Variants in ERICH4 observed in about 807,000 individuals in gnomAD.
ERICH4 encodes glutamate rich 4, also known as glutamate-rich protein 4.
A neutral mutation model predicts 5.2 loss-of-function variants in ERICH4; 4 were observed. The observed-to-expected ratio is 0.77, with a 90% CI of 0.38 to 1.76. The LOEUF (loss-of-function observed/expected upper bound fraction) is 1.76, where lower values mean the gene tolerates loss of function less well. ERICH4 is among the 40% of genes most tolerant of loss of function. The pLI, the probability that ERICH4 is intolerant of heterozygous loss-of-function variation, is 0.04. For synonymous variants in ERICH4, 75 were observed against 68.7 expected (o/e 1.09, Z -0.45); for missense variants, 164 against 159.8 (o/e 1.03, Z -0.14).
In ERICH4 at chr19:41,443,221, G is replaced by T; in HGVS notation, c.52G>T (p.Gly18Cys). Residue 18 changes from glycine to cysteine, a missense_variant, in exon 1 of 2, where the codon GGC (glycine) becomes TGC (cysteine). Transcript: ENST00000378187. Reference sequence around the variant, plus strand: ...GGCTGGACTGGTGCCTCCGGGGCTGGGCCCACCCCCCCAGGCCCTGAGGGA... The same window carrying T: ...GGCTGGACTGGTGCCTCCGGGGCTGTGCCCACCCCCCCAGGCCCTGAGGGA... Reference protein sequence around the residue: ...NQAGLVPPGLGPPPQALREVS... With the variant: ...NQAGLVPPGLCPPPQALREVS... 6.8e-7 allele frequency: 1 copy of T among 1,477,832 alleles called. No individual in the cohort carries two copies. Among genetic ancestry groups the T allele is most frequent in the South Asian group, 1.3e-5 (1 of 75,984 alleles). 91.5% of individuals were successfully genotyped at this position (1,477,832 alleles called of 1,614,324 possible).
In ERICH4 at chr19:41,444,697, T is replaced by C. The variant is rs1555773636; in HGVS notation, c.*473T>C. 3 of 161,480 alleles carry C rather than the reference T, an allele frequency of 1.9e-5. No homozygotes were observed. The highest frequency in any genetic ancestry group is 4.1e-5 in the Non-Finnish European group (3 of 72,648). 10.0% of individuals were successfully genotyped at this position (161,480 alleles called of 1,614,324 possible). ...AAAGAACATAAGACATCTCAATAAT[T>C]TTTAGATTACTTATTGAAATAATAA... is the stretch of plus-strand genomic sequence containing the variant. On this transcript the variant is annotated 3_prime_UTR_variant, in exon 2 of 2. Coordinates refer to ENST00000378187, the MANE Select transcript of ERICH4 (RefSeq NM_001130514.3).
At chr19:41,443,689 A>G (rs545218315) in intron 1 of ERICH4, among the ~76,000 whole-genome samples, 3 of 152,064 alleles carry the variant, frequency 2.0e-5, no homozygotes, top group African/African-American at 7.2e-5. Context: ...ACACATAAAG[A>G]CAGAGAGACA....
chr19:41,444,074 G>T lies in ERICH4; in HGVS notation c.243G>T (p.Ala81=). ...GCAGCCTGGGGCTGGAGATGGGGGC[G>T]CTGCGGGAGGAACTGGTCACCATAT... ...QLCSLGLEMG[A]LREELVTILE... The change falls in exon 2 of 2, where the codon GCG becomes GCT. Residue 81 remains alanine (A), a synonymous_variant. Coordinates refer to ENST00000378187, the MANE Select transcript of ERICH4 (RefSeq NM_001130514.3). 1 of 1,551,426 alleles carries T rather than the reference G, an allele frequency of 6.4e-7. No homozygotes were observed. Among genetic ancestry groups the T allele is most frequent in the Non-Finnish European group, 8.7e-7 (1 of 1,146,886 alleles).
chr19:41,444,252 T>A lies in ERICH4; in HGVS notation c.*28T>A. 1 of 1,551,376 alleles carries A rather than the reference T, an allele frequency of 6.4e-7. No individual in the cohort carries two copies. The highest frequency in any genetic ancestry group is 8.7e-7 in the Non-Finnish European group (1 of 1,146,494). ...CTCTGCCAGTGGATTTAGATTGACA[T>A]ACAAATGAGATGCAAATGTATGTAA... On this transcript the variant is annotated 3_prime_UTR_variant, in exon 2 of 2. Transcript: ENST00000378187.
In ERICH4 at chr19:41,443,346, G is replaced by A; in HGVS notation, c.174+3G>A. On this transcript the variant is annotated splice_donor_region_variant and intron_variant, in intron 1 of 1. Coordinates refer to ENST00000378187, the MANE Select transcript of ERICH4 (RefSeq NM_001130514.3). Reference sequence around the variant, plus strand: ...TGCTGTGGATCAGGGAGGAGCTGGTGAGTGAGGGGTTTGGAAGGGAAAGAG... The same window carrying A: ...TGCTGTGGATCAGGGAGGAGCTGGTAAGTGAGGGGTTTGGAAGGGAAAGAG... 7.8e-7 allele frequency: 1 copy of A among 1,290,026 alleles called. No homozygotes were observed. Among genetic ancestry groups the A allele is most frequent in the Non-Finnish European group, 9.9e-7 (1 of 1,008,636 alleles). The allele number at this position is 1,290,026 out of a possible 1,614,324, so 79.9% of individuals were successfully genotyped here. A position where few individuals can be genotyped will look rare whatever the true frequency, so the allele number is the denominator to read the frequency against.
At position 41,443,260 on chromosome 19, in the gene ERICH4, GA is replaced by G; in HGVS notation, c.94del (p.Ile32SerfsTer97). On this transcript the variant is annotated frameshift_variant, in exon 1 of 2. Transcript: ENST00000378187. LOFTEE classifies it high-confidence loss of function. ...PQALREVSPVEIPGQTLRTAG... is the reference protein window; with the variant it reads ...PQALREVSPVXIPGQTLRTAG... ...GGCCCTGAGGGAGGTCTCCCCAGTG[GA>G]AATCCCTGGTCAGACCCTCAGGACT... 1 of 1,428,720 alleles carries G rather than the reference GA, an allele frequency of 7.0e-7. No individual in the cohort carries two copies. The allele number at this position is 1,428,720 out of a possible 1,614,324, so 88.5% of individuals were successfully genotyped here.
chr19:41,443,759 T>C (rs1016584548), intron 1 of ERICH4, among the ~76,000 whole-genome samples: 2 of 151,398 alleles, frequency 1.3e-5, no homozygotes, highest in South Asian at 2.1e-4. Context: ...GGGACAGATA[T>C]AGATAAGAGA....
rs782174108 is a variant in ERICH4 at position 41,444,225 on chromosome 19, G to T, written c.*1G>T. On this transcript the variant is annotated 3_prime_UTR_variant, in exon 2 of 2. Coordinates refer to ENST00000378187, the MANE Select transcript of ERICH4 (RefSeq NM_001130514.3). ...ACCTGACTTTGAGATGATGATCTGA[G>T]GCTCTGCCAGTGGATTTAGATTGAC... 1 of 1,552,240 alleles carries T rather than the reference G, an allele frequency of 6.4e-7. No homozygotes were observed. Among genetic ancestry groups the T allele is most frequent in the Non-Finnish European group, 8.7e-7 (1 of 1,147,108 alleles).
rs932099957 is a variant in ERICH4 at position 41,443,987 on chromosome 19, G to A, written c.175-19G>A. On this transcript the variant is annotated intron_variant, in intron 1 of 1. Coordinates refer to ENST00000378187, the MANE Select transcript of ERICH4 (RefSeq NM_001130514.3). ...CTCTCTGGGGTGGCATCCCTGTGAC[G>A]TCCCCTTCCTACTGGCAGGGGAACC... 32 of 1,538,564 alleles carry A rather than the reference G, an allele frequency of 2.1e-5. No individual in the cohort carries two copies. The highest frequency in any genetic ancestry group is 2.6e-5 in the Non-Finnish European group (30 of 1,137,766).
In ERICH4 at chr19:41,443,277, C is replaced by T; in HGVS notation, c.108C>T (p.Thr36=). 1 of 1,388,968 alleles carries T rather than the reference C, an allele frequency of 7.2e-7. No homozygotes were observed. The highest frequency in any genetic ancestry group is 1.6e-5 in the South Asian group (1 of 61,460). The allele number at this position is 1,388,968 out of a possible 1,614,324, so 86.0% of individuals were successfully genotyped here. A position where few individuals can be genotyped will look rare whatever the true frequency, so the allele number is the denominator to read the frequency against. ...EVSPVEIPGQ[T]LRTAGADTGG... is the part of the protein sequence containing the mutation. ...CCCCAGTGGAAATCCCTGGTCAGAC[C>T]CTCAGGACTGCAGGGGCAGACACTG... The change falls in exon 1 of 2, where the codon ACC becomes ACT. Residue 36 remains threonine (T), a synonymous_variant. Transcript: ENST00000378187.
chr19:41,444,355 C>G lies in ERICH4; in HGVS notation c.*131C>G. 1.1e-6 allele frequency: 1 copy of G among 941,704 alleles called. No homozygotes were observed. Among genetic ancestry groups the G allele is most frequent in the Non-Finnish European group, 1.6e-6 (1 of 616,678 alleles). The allele number at this position is 941,704 out of a possible 1,614,324, so 58.3% of individuals were successfully genotyped here. On this transcript the variant is annotated 3_prime_UTR_variant, in exon 2 of 2. Coordinates refer to ENST00000378187, the MANE Select transcript of ERICH4 (RefSeq NM_001130514.3). ...TTAGTAAGTGCTTTCTCTGAAGGTGCCTGCAATGATATTTAGGCATTGGCC... is the reference window on the plus strand; with the variant it reads ...TTAGTAAGTGCTTTCTCTGAAGGTGGCTGCAATGATATTTAGGCATTGGCC...
In ERICH4 at chr19:41,444,173, C is replaced by T. The variant is rs782540249; in HGVS notation, c.342C>T (p.His114=). 1.3e-6 allele frequency: 2 copies of T among 1,552,090 alleles called. No individual in the cohort carries two copies. The highest frequency in any genetic ancestry group is 2.4e-5 in the East Asian group (1 of 40,924). The change falls in exon 2 of 2, where the codon CAC becomes CAT. Residue 114 remains histidine (H), a synonymous_variant. Transcript: ENST00000378187. ...CCCAGAGGAAGCAGGAGGAGGAACA[C>T]CTGGAGGCCTGCCCAGCCCCACATC... ...QEPQRKQEEE[H]LEACPAPHPP...
At position 41,444,328 on chromosome 19, in the gene ERICH4, C is replaced by T; in HGVS notation, c.*104C>T. The T allele has an allele frequency of 8.0e-7, 1 of 1,250,588 alleles. No individual in the cohort carries two copies. Among genetic ancestry groups the T allele is most frequent in the Non-Finnish European group, 1.1e-6 (1 of 882,784 alleles). 77.5% of individuals were successfully genotyped at this position (1,250,588 alleles called of 1,614,324 possible). A position where few individuals can be genotyped will look rare whatever the true frequency, so the allele number is the denominator to read the frequency against. ...AGCAGATGTGGAATCAAGTATACCC[C>T]TTTAGTAAGTGCTTTCTCTGAAGGT... On this transcript the variant is annotated 3_prime_UTR_variant, in exon 2 of 2. Transcript: ENST00000378187.
chr19:41,444,107 G>T lies in ERICH4; in HGVS notation c.276G>T (p.Glu92Asp), dbSNP rs1555773556. 6.4e-7 allele frequency: 1 copy of T among 1,551,996 alleles called. No individual in the cohort carries two copies. Among genetic ancestry groups the T allele is most frequent in the Admixed American group, 2.0e-5 (1 of 51,004 alleles). ...AGGAACTGGTCACCATATTGGAGGA[G>T]GAGGAGGAGAGCAGCAAGGAAGAGG... ...LREELVTILE[E>D]EEESSKEEEE... is the part of the protein sequence containing the mutation. Residue 92 changes from glutamate to aspartate, a missense_variant, in exon 2 of 2, where the codon GAG (glutamate) becomes GAT (aspartate). Coordinates refer to ENST00000378187, the MANE Select transcript of ERICH4 (RefSeq NM_001130514.3).
chr19:41,443,974 G>T, intron 1 of ERICH4, 32 bp from the exon 2 acceptor site: 1 of 1,520,832 alleles, frequency 6.6e-7, no homozygotes, highest in Non-Finnish European at 8.9e-7. Flanking sequence ...CTCTGGGGTG[G>T]CATCCCTGTG....
intron 1 of ERICH4, 190 bp from the exon 2 acceptor site, chr19:41,443,816 C>T: frequency 3.4e-6 from 2 of 585,878 alleles, no homozygotes; most frequent in Non-Finnish European, 6.1e-6. Context: ...AATGGAGAGA[C>T]AAAGAGAAGA....
Position 41,443,231 on chromosome 19 carries a change from C to A in ERICH4, c.62C>A (p.Pro21His). 2 of 1,464,460 alleles carry A rather than the reference C, an allele frequency of 1.4e-6. No individual in the cohort carries two copies. Among genetic ancestry groups the A allele is most frequent in the South Asian group, 1.4e-5 (1 of 74,072 alleles). 90.7% of individuals were successfully genotyped at this position (1,464,460 alleles called of 1,614,324 possible). Reference protein sequence around the residue: ...GLVPPGLGPPPQALREVSPVE... With the variant: ...GLVPPGLGPPHQALREVSPVE... ...GTGCCTCCGGGGCTGGGCCCACCCC[C>A]CCAGGCCCTGAGGGAGGTCTCCCCA... The change falls in exon 1 of 2, where the codon CCC (proline) becomes CAC (histidine). Residue 21 changes from proline to histidine, a missense_variant. Pro to His is a moderately conservative substitution (Grantham distance 77). Transcript: ENST00000378187.
chr19:41,443,971 G>A (rs1555773510), intron 1 of ERICH4, 35 bp from the exon 2 acceptor site: 2 of 1,517,070 alleles, frequency 1.3e-6, no homozygotes, highest in Non-Finnish European at 1.8e-6. Flanking sequence ...GCTCTCTGGG[G>A]TGGCATCCCT....
chr19:41,443,369 GAGAA>G (rs2040133985), intron 1 of ERICH4, 26 bp downstream of exon 1: 2 of 1,292,344 alleles, frequency 1.5e-6, no homozygotes, highest in Non-Finnish European at 9.9e-7. Flanking sequence ...GGAAGGGAAA[GAGAA>G]AGAGAGGAAA....
Sources: allele counts gnomAD v4.1 joint callset (sites outside exome capture counted in the v4.1 genomes callset), GRCh38; gene constraint gnomAD v4.1.1; transcripts MANE v1.5; gene names NCBI Gene and HGNC (gene_info 2026-07-23, HGNC 2026-07-21).